Variants in ZNRF1 observed in about 807,000 individuals in gnomAD.
ZNRF1 encodes E3 ubiquitin-protein ligase ZNRF1.
ZNRF1 carries 3 observed loss-of-function variants against 18.4 expected under a neutral mutation model. That is an observed-to-expected ratio of 0.16 (90% confidence interval 0.07 to 0.42). The LOEUF (loss-of-function observed/expected upper bound fraction) is 0.42, where lower values mean the gene tolerates loss of function less well. ZNRF1 is among the 10% of genes least tolerant of loss of function. The probability of loss-of-function intolerance (pLI) is 0.99; values close to 1 mark genes in which losing one functional copy is unlikely to be tolerated. For synonymous variants in ZNRF1, 157 were observed against 144.2 expected (o/e 1.09, Z -0.64); for missense variants, 310 against 329.8 (o/e 0.94, Z 0.47).
At chr16:75,030,356 C>T (rs1434970369) in intron 1 of ZNRF1, among the ~76,000 whole-genome samples, 1 of 151,728 alleles carries the variant, frequency 6.6e-6, no homozygotes. Context: ...TACCTCACAC[C>T]ACATACAAAA....
chr16:75,053,345 T>A (rs2035629173), intron 1 of ZNRF1, among the ~76,000 whole-genome samples: 1 of 152,130 alleles, frequency 6.6e-6, no homozygotes, highest in Admixed American at 6.5e-5. Context: ...TCCCAGCACT[T>A]TGGGAGGCCA....
intron 1 of ZNRF1, among the ~76,000 whole-genome samples, chr16:75,071,420 C>T (rs893069250): frequency 3.3e-5 from 5 of 152,158 alleles, no homozygotes; most frequent in African/African-American, 4.8e-5. Context: ...CATTCCCTCA[C>T]GTGTCTGGTT....
intron 1 of ZNRF1, among the ~76,000 whole-genome samples, chr16:75,091,137 T>C (rs1025822947): frequency 1.3e-5 from 2 of 152,054 alleles, no homozygotes; most frequent in African/African-American, 4.8e-5. Flanking sequence ...GGCAGGTAGA[T>C]CATCTGAGGT....
rs1319866323 is a variant in ZNRF1 at position 75,109,697 on chromosome 16, G to A, written c.*1997G>A. The A allele has an allele frequency of 6.6e-6, 1 of 152,374 alleles. No homozygotes were observed. Among genetic ancestry groups the A allele is most frequent in the African/African-American group, 2.4e-5 (1 of 41,456 alleles). The allele number at this position is 152,374 out of a possible 1,614,324, so 9.4% of individuals were successfully genotyped here. Reference sequence around the variant, plus strand: ...TCTCCTACTTGGCAGAATGATCTTGGGGAAACGACTTCATCTGAACTTCAG... The same window carrying A: ...TCTCCTACTTGGCAGAATGATCTTGAGGAAACGACTTCATCTGAACTTCAG... On this transcript the variant is annotated 3_prime_UTR_variant, in exon 5 of 5. Coordinates refer to ENST00000335325, the MANE Select transcript of ZNRF1 (RefSeq NM_032268.5).
chr16:75,052,965 C>A (rs2035623484), intron 1 of ZNRF1, among the ~76,000 whole-genome samples: 1 of 152,184 alleles, frequency 6.6e-6, no homozygotes, highest in Admixed American at 6.5e-5. Flanking sequence ...TTTTCATTTG[C>A]TGCCACTGGG....
chr16:75,030,923 C>T (rs1160735842), intron 1 of ZNRF1, among the ~76,000 whole-genome samples: 1 of 147,938 alleles, frequency 6.8e-6, no homozygotes, highest in South Asian at 2.2e-4. Flanking sequence ...TCACTGCAAC[C>T]TCCGCCTCCC....
chr16:75,065,667 A>C (rs74378570), intron 1 of ZNRF1, among the ~76,000 whole-genome samples: 1,600 of 152,298 alleles, frequency 0.011, 24 homozygotes, highest in African/African-American at 0.037. Context: ...ACACTCAGAA[A>C]TGTATCCTTC....
At chr16:75,093,849 A>G (rs1010720921) in intron 2 of ZNRF1, among the ~76,000 whole-genome samples, 182 bp downstream of exon 2, 5 of 152,118 alleles carry the variant, frequency 3.3e-5, no homozygotes, top group Admixed American at 2.6e-4. Context: ...CAGGTCAGAG[A>G]GGAAGAGGAG....
chr16:75,095,585 G>A, intron 2 of ZNRF1: 2 of 1,537,440 alleles, frequency 1.3e-6, no homozygotes, highest in Non-Finnish European at 1.8e-6. Flanking sequence ...TGTAGACACT[G>A]CGTTTGTTGT....
At chr16:75,012,962 A>G (rs995985407) in intron 1 of ZNRF1, among the ~76,000 whole-genome samples, 8 of 152,240 alleles carry the variant, frequency 5.3e-5, no homozygotes, top group Admixed American at 4.6e-4. Context: ...CCAGCAAAAC[A>G]TAATAAAGGG....
intron 1 of ZNRF1, among the ~76,000 whole-genome samples, chr16:75,078,624 C>T (rs1415678472): frequency 6.6e-6 from 1 of 152,054 alleles, no homozygotes; most frequent in African/African-American, 2.4e-5. Context: ...TGGTATTTGT[C>T]AATATTTATG....
At chr16:75,051,419 G>T (rs933013520) in intron 1 of ZNRF1, among the ~76,000 whole-genome samples, 1 of 152,056 alleles carries the variant, frequency 6.6e-6, no homozygotes, top group Non-Finnish European at 1.5e-5. Flanking sequence ...ATGGTGGCCA[G>T]GGTGGTCTCA....
intron 2 of ZNRF1, among the ~76,000 whole-genome samples, chr16:75,099,473 T>C (rs1251062385): frequency 6.6e-6 from 1 of 152,032 alleles, no homozygotes; most frequent in Non-Finnish European, 1.5e-5. Flanking sequence ...GGTTCCCTGG[T>C]CTGGTTAGAG....
chr16:75,064,097 G>A (rs1268608010), intron 1 of ZNRF1, among the ~76,000 whole-genome samples: 1 of 152,070 alleles, frequency 6.6e-6, no homozygotes, highest in Non-Finnish European at 1.5e-5. Context: ...TCAGGAGTTT[G>A]AGACCAGCCT....
chr16:75,063,771 GAGA>G (rs1238988113), intron 1 of ZNRF1, among the ~76,000 whole-genome samples: 3 of 152,200 alleles, frequency 2.0e-5, no homozygotes, highest in African/African-American at 7.2e-5. Context: ...GACTCAATCA[GAGA>G]AGGAGTGAGA....
At chr16:75,078,472 T>A (rs996552736) in intron 1 of ZNRF1, among the ~76,000 whole-genome samples, 5 of 152,054 alleles carry the variant, frequency 3.3e-5, no homozygotes, top group African/African-American at 9.7e-5. Flanking sequence ...CTAACTTTTG[T>A]ATTTTTAGTA....
At chr16:75,024,441 A>T (rs959169258) in intron 1 of ZNRF1, among the ~76,000 whole-genome samples, 1 of 152,238 alleles carries the variant, frequency 6.6e-6, no homozygotes, top group Admixed American at 6.5e-5. Flanking sequence ...AAATATACAC[A>T]TGAAGAAGTA....
chr16:75,025,988 T>C (rs28374443), intron 1 of ZNRF1, among the ~76,000 whole-genome samples: 7,052 of 152,198 alleles, frequency 0.046, 501 homozygotes, highest in African/African-American at 0.15. Flanking sequence ...CAGAAACCGT[T>C]AAATAGGCAG....
intron 1 of ZNRF1, among the ~76,000 whole-genome samples, chr16:75,039,740 T>G (rs2035419038): frequency 6.6e-6 from 1 of 152,184 alleles, no homozygotes. Flanking sequence ...TGTCAACAGG[T>G]GTTCCAGGTG....
Sources: gnomAD v4.1 joint callset for allele counts (sites outside exome capture counted in the v4.1 genomes callset) on GRCh38, gnomAD v4.1.1 for gene constraint, MANE v1.5 for transcripts, NCBI Gene and HGNC (gene_info 2026-07-23, HGNC 2026-07-21) for gene names.